Variants in FUT6 observed in about 807,000 individuals in gnomAD.
The protein encoded by FUT6 is fucosyltransferase 6.
For synonymous variants in FUT6, 187 were observed against 209.9 expected (o/e 0.89, Z 0.94); for missense variants, 454 against 494.6 (o/e 0.92, Z 0.78).
chr19:5,839,591 C>T lies in FUT6; in HGVS notation c.-1055G>A, dbSNP rs1039942179. The T allele has an allele frequency of 3.9e-5, 6 of 152,276 alleles. No homozygotes were observed. The highest frequency in any genetic ancestry group is 9.7e-5 in the African/African-American group (4 of 41,434). 9.4% of individuals were successfully genotyped at this position (152,276 alleles called of 1,614,324 possible). ...CCATATTGGTGGCAGAAGCTTCCTCCGGTGGCCTCAACAAGCCCCTCTGTG... is the reference window on the plus strand; with the variant it reads ...CCATATTGGTGGCAGAAGCTTCCTCTGGTGGCCTCAACAAGCCCCTCTGTG... On this transcript the variant is annotated 5_prime_UTR_variant, in exon 1 of 3. Coordinates refer to ENST00000318336, the MANE Select transcript of FUT6 (RefSeq NM_000150.4).
rs776637082 is a variant in FUT6, at chr19:5,832,012, A to C, written c.556T>G (p.Ser186Ala). The change falls in exon 3 of 3, where the codon TCG (serine) becomes GCG (alanine). Residue 186 changes from serine (S) to alanine (A), a missense_variant. Physicochemically the swap from Ser to Ala is moderately conservative, Grantham distance 99. Coordinates refer to ENST00000318336, the MANE Select transcript of FUT6 (RefSeq NM_000150.4). This position sits in a 1 kb window ranked among gnomAD's most constrained non-coding sequence, Gnocchi z 4.3. Reference protein sequence around the residue: ...GQPAHPPLNLSAKTELVAWAV... With the variant: ...GQPAHPPLNLAAKTELVAWAV... ...CAGGCCACCAGCTCGGTCTTGGCCG[A>C]GAGGTTGAGCGGTGGGTGGGCAGGC... 1.5e-5 allele frequency: 24 copies of C among 1,613,656 alleles called. No homozygotes were observed. In the African/African-American group the frequency reaches 3.1e-4, roughly 21 times the overall value.
In FUT6 at chr19:5,831,108, C is replaced by G. The variant is rs2144781015; in HGVS notation, c.*380G>C. The G allele has an allele frequency of 1.7e-6, 1 of 589,808 alleles. No individual in the cohort carries two copies. Among genetic ancestry groups the G allele is most frequent in the East Asian group, 2.9e-5 (1 of 34,868 alleles). The allele number at this position is 589,808 out of a possible 1,614,324, so 36.5% of individuals were successfully genotyped here. A position where few individuals can be genotyped will look rare whatever the true frequency, so the allele number is the denominator to read the frequency against. On this transcript the variant is annotated 3_prime_UTR_variant, in exon 3 of 3. Coordinates refer to ENST00000318336, the MANE Select transcript of FUT6 (RefSeq NM_000150.4). The surrounding 1 kb of genome is among the most constrained non-coding windows in gnomAD (Gnocchi z 7.0). Reference sequence around the variant, plus strand: ...GGTGAGGCTCCTAGCAGGTGAGATTCAGTGTGGAAGGTCTCTGGGAGCAGG... The same window carrying G: ...GGTGAGGCTCCTAGCAGGTGAGATTGAGTGTGGAAGGTCTCTGGGAGCAGG...
rs755828821 is a variant in FUT6 at position 5,832,428 on chromosome 19, C to T, written c.140G>A (p.Gly47Glu). 1.2e-6 allele frequency: 2 copies of T among 1,613,840 alleles called. No homozygotes were observed. The highest frequency in any genetic ancestry group is 2.2e-5 in the East Asian group (1 of 44,840). Residue 47 changes from glycine to glutamate, a missense_variant, in exon 3 of 3, where the codon GGG (glycine) becomes GAG (glutamate). Physicochemically the swap from Gly to Glu is moderately conservative, Grantham distance 98. Coordinates refer to ENST00000318336, the MANE Select transcript of FUT6 (RefSeq NM_000150.4). This position sits in a 1 kb window ranked among gnomAD's most constrained non-coding sequence, Gnocchi z 4.3. Reference sequence around the variant, plus strand: ...CCCTGTGCTGTCTGGGAAGCGGGACCCATTAGGGTACACAGTGGGATCGTC... The same window carrying T: ...CCCTGTGCTGTCTGGGAAGCGGGACTCATTAGGGTACACAGTGGGATCGTC... ...SQDDPTVYPN[G>E]SRFPDSTGTP... is the part of the protein sequence containing the mutation.
Position 5,832,763 on chromosome 19 carries a change from A to T in FUT6, c.-12-184T>A. 1 of 612,120 alleles carries T rather than the reference A, an allele frequency of 1.6e-6. No individual in the cohort carries two copies. The highest frequency in any genetic ancestry group is 2.8e-5 in the East Asian group (1 of 36,244). 37.9% of individuals were successfully genotyped at this position (612,120 alleles called of 1,614,324 possible). A position where few individuals can be genotyped will look rare whatever the true frequency, so the allele number is the denominator to read the frequency against. Reference sequence around the variant, plus strand: ...TTTGAACAAAGGGAGCTTGGCCCAGAGTCCACTTCCTCCCACCCATTAGAC... The same window carrying T: ...TTTGAACAAAGGGAGCTTGGCCCAGTGTCCACTTCCTCCCACCCATTAGAC... On this transcript the variant is annotated intron_variant, in intron 2 of 2. Transcript: ENST00000318336. The surrounding 1 kb of genome is among the most constrained non-coding windows in gnomAD (Gnocchi z 4.3).
In FUT6 at chr19:5,832,971, G is replaced by A. The variant is rs181895181; in HGVS notation, c.-12-392C>T. On this transcript the variant is annotated intron_variant, in intron 2 of 2. Transcript: ENST00000318336. The surrounding 1 kb of genome is among the most constrained non-coding windows in gnomAD (Gnocchi z 4.3). ...CCCCTGAGTCGAGGCTTGAACCCAT[G>A]ACTCTGCTGGGGAAGGGCACAATGG... 41 of 241,718 alleles carry A rather than the reference G, an allele frequency of 1.7e-4. No individual in the cohort carries two copies. The East Asian group carries it at 2.8e-3, about 16-fold the overall frequency. The allele number at this position is 241,718 out of a possible 1,614,324, so 15.0% of individuals were successfully genotyped here.
intron 1 of FUT6, among the ~76,000 whole-genome samples, chr19:5,836,161 T>G (rs1168872136): frequency 6.6e-6 from 1 of 151,924 alleles, no homozygotes; most frequent in Non-Finnish European, 1.5e-5. Context: ...CCCAAAGTGC[T>G]GAGATTACAT....
At position 5,832,344 on chromosome 19, in the gene FUT6, A is replaced by G. The variant is rs1386477101; in HGVS notation, c.224T>C (p.Ile75Thr). The G allele has an allele frequency of 1.9e-6, 3 of 1,613,914 alleles. No individual in the cohort carries two copies. Among genetic ancestry groups the G allele is most frequent in the East Asian group, 4.5e-5 (2 of 44,848 alleles). ...CATCTCTGAGCAGCGGGGCAGAGCT[A>G]TGGGTTTGTTAAAAGGCCACGTCCA... is the stretch of plus-strand genomic sequence containing the variant. ...LLWTWPFNKP[I>T]ALPRCSEMVP... is the part of the protein sequence containing the mutation. The change falls in exon 3 of 3, where the codon ATA (isoleucine) becomes ACA (threonine). Residue 75 changes from isoleucine (I) to threonine (T), a missense_variant. Transcript: ENST00000318336. The surrounding 1 kb of genome is among the most constrained non-coding windows in gnomAD (Gnocchi z 4.3).
rs755906683 is a variant in FUT6 at position 5,831,840 on chromosome 19, T to C, written c.728A>G (p.Tyr243Cys). The C allele has an allele frequency of 4.2e-5, 67 of 1,613,810 alleles. No homozygotes were observed. Among genetic ancestry groups the C allele is most frequent in the Non-Finnish European group, 5.4e-5 (64 of 1,179,846 alleles). ...GTGCAAGGAGTTCTCGAAGGCCAGA[T>C]AGAACTTGTACCGGGACAGCGTCTC... The part of the protein sequence containing the change: ...MMETLSRYKF[Y>C]LAFENSLHPD... Residue 243 changes from tyrosine (Y) to cysteine (C), a missense_variant, in exon 3 of 3, where the codon TAT (tyrosine) becomes TGT (cysteine). Physicochemically the swap from Tyr to Cys is radical, Grantham distance 194. Coordinates refer to ENST00000318336, the MANE Select transcript of FUT6 (RefSeq NM_000150.4). This position sits in a 1 kb window ranked among gnomAD's most constrained non-coding sequence, Gnocchi z 7.0.
At position 5,831,032 on chromosome 19, in the gene FUT6, AT is replaced by A. The variant is rs1394047472; in HGVS notation, c.*455del. ...AACCATCACTCATGGGTGGGGCCCC[AT>A]GGGTGCCAGTTCCCAGGGCCCAGTG... On this transcript the variant is annotated 3_prime_UTR_variant, in exon 3 of 3. Transcript: ENST00000318336. This position sits in a 1 kb window ranked among gnomAD's most constrained non-coding sequence, Gnocchi z 7.0. 4.0e-5 allele frequency: 20 copies of A among 506,126 alleles called. No individual in the cohort carries two copies. The Admixed American group carries it at 6.5e-4, about 16-fold the overall frequency. 31.4% of individuals were successfully genotyped at this position (506,126 alleles called of 1,614,324 possible). A position where few individuals can be genotyped will look rare whatever the true frequency, so the allele number is the denominator to read the frequency against.
At chr19:5,837,330 G>A (rs1054521825) in intron 1 of FUT6, among the ~76,000 whole-genome samples, 25 of 151,256 alleles carry the variant, frequency 1.7e-4, no homozygotes, top group African/African-American at 1.2e-4. Context: ...GAGTCACCAC[G>A]CCCAGCCTCA....
chr19:5,831,566 G>C lies in FUT6; in HGVS notation c.1002C>G (p.Leu334=), dbSNP rs61740561. 68,722 of 1,613,732 alleles carry C rather than the reference G, an allele frequency of 0.043. 2,126 individuals carry two copies. Among genetic ancestry groups the C allele is most frequent in the African/African-American group, 0.16 (12,075 of 74,786 alleles). Residue 334 remains leucine, a synonymous_variant, in exon 3 of 3, where the codon CTC becomes CTG. Transcript: ENST00000318336. The surrounding 1 kb of genome is among the most constrained non-coding windows in gnomAD (Gnocchi z 7.0). ...GTTTCCAGCAGGCCTTGCAGAAAGC[G>C]AGTGCCCAGCTGAAGGAGCGAGGCC... is the stretch of plus-strand genomic sequence containing the variant. ...TLRPRSFSWA[L]AFCKACWKLQ...
In FUT6 at chr19:5,831,028, C is replaced by G; in HGVS notation, c.*460G>C. On this transcript the variant is annotated 3_prime_UTR_variant, in exon 3 of 3. Transcript: ENST00000318336. This position sits in a 1 kb window ranked among gnomAD's most constrained non-coding sequence, Gnocchi z 7.0. Reference sequence around the variant, plus strand: ...CCAGAACCATCACTCATGGGTGGGGCCCCATGGGTGCCAGTTCCCAGGGCC... The same window carrying G: ...CCAGAACCATCACTCATGGGTGGGGGCCCATGGGTGCCAGTTCCCAGGGCC... 1 of 502,104 alleles carries G rather than the reference C, an allele frequency of 2.0e-6. No individual in the cohort carries two copies. Among genetic ancestry groups the G allele is most frequent in the Admixed American group, 3.3e-5 (1 of 30,756 alleles). 31.1% of individuals were successfully genotyped at this position (502,104 alleles called of 1,614,324 possible). A position where few individuals can be genotyped will look rare whatever the true frequency, so the allele number is the denominator to read the frequency against.
Position 5,831,266 on chromosome 19 carries a change from C to T in FUT6, c.*222G>A. 2 of 1,005,902 alleles carry T rather than the reference C, an allele frequency of 2.0e-6. No individual in the cohort carries two copies. Among genetic ancestry groups the T allele is most frequent in the African/African-American group, 1.6e-5 (1 of 63,588 alleles). The allele number at this position is 1,005,902 out of a possible 1,614,324, so 62.3% of individuals were successfully genotyped here. A position where few individuals can be genotyped will look rare whatever the true frequency, so the allele number is the denominator to read the frequency against. ...TGTGAAATCCCAGGTAAGGGACATACCTGGCCACCGAAGACTCCAGCAGGT... is the reference window on the plus strand; with the variant it reads ...TGTGAAATCCCAGGTAAGGGACATATCTGGCCACCGAAGACTCCAGCAGGT... On this transcript the variant is annotated 3_prime_UTR_variant, in exon 3 of 3. Coordinates refer to ENST00000318336, the MANE Select transcript of FUT6 (RefSeq NM_000150.4). This position sits in a 1 kb window ranked among gnomAD's most constrained non-coding sequence, Gnocchi z 7.0.
At position 5,832,473 on chromosome 19, in the gene FUT6, G is replaced by A. The variant is rs776563221; in HGVS notation, c.95C>T (p.Ser32Phe). Residue 32 changes from serine to phenylalanine, a missense_variant, in exon 3 of 3, where the codon TCC becomes TTC. Coordinates refer to ENST00000318336, the MANE Select transcript of FUT6 (RefSeq NM_000150.4). The surrounding 1 kb of genome is among the most constrained non-coding windows in gnomAD (Gnocchi z 4.3). ...FQLLMAVCFF[S>F]YLRVSQDDPT... ...ATCGTCTTGAGACACACGCAGATAG[G>A]AGAAGAAACACACAGCCATCAGCAG... 1 of 1,613,862 alleles carries A rather than the reference G, an allele frequency of 6.2e-7. No individual in the cohort carries two copies. The highest frequency in any genetic ancestry group is 8.5e-7 in the Non-Finnish European group (1 of 1,179,988).
chr19:5,833,179 A>G (rs1241579527), intron 2 of FUT6, among the ~76,000 whole-genome samples: 2 of 152,182 alleles, frequency 1.3e-5, no homozygotes, highest in Non-Finnish European at 2.9e-5. Flanking sequence ...GATTGGTGCA[A>G]AAGTAATTGC....
Position 5,831,071 on chromosome 19 carries a change from A to G in FUT6, c.*417T>C. On this transcript the variant is annotated 3_prime_UTR_variant, in exon 3 of 3. Transcript: ENST00000318336. This position sits in a 1 kb window ranked among gnomAD's most constrained non-coding sequence, Gnocchi z 7.0. ...CCAGGGCCCAGTGCCCTCCAGGGTG[A>G]GGTCCCCAGCAGGTGAGGCTCCTAG... The G allele has an allele frequency of 1.8e-6, 1 of 548,874 alleles. No individual in the cohort carries two copies. The highest frequency in any genetic ancestry group is 3.3e-6 in the Non-Finnish European group (1 of 305,548). 34.0% of individuals were successfully genotyped at this position (548,874 alleles called of 1,614,324 possible).
At position 5,832,797 on chromosome 19, in the gene FUT6, CTTTCTACA is replaced by C; in HGVS notation, c.-12-226_-12-219del. The C allele has an allele frequency of 1.7e-6, 1 of 579,226 alleles. No individual in the cohort carries two copies. The highest frequency in any genetic ancestry group is 3.1e-6 in the Non-Finnish European group (1 of 325,706). The allele number at this position is 579,226 out of a possible 1,614,324, so 35.9% of individuals were successfully genotyped here. A position where few individuals can be genotyped will look rare whatever the true frequency, so the allele number is the denominator to read the frequency against. ...CCTCCCACCCATTAGACAACAGGCC[CTTTCTACA>C]TGGGCAAGGGTCCCTGGGGAAGTTG... On this transcript the variant is annotated intron_variant, in intron 2 of 2. Transcript: ENST00000318336. The surrounding 1 kb of genome is among the most constrained non-coding windows in gnomAD (Gnocchi z 4.3).
In FUT6 at chr19:5,835,712, G is replaced by T. The variant is rs141399491; in HGVS notation, c.-140-635C>A. On this transcript the variant is annotated intron_variant, in intron 1 of 2. Coordinates refer to ENST00000318336, the MANE Select transcript of FUT6 (RefSeq NM_000150.4). ...TGCTTGAACCTGGGAGACAGAGGTT[G>T]CAGTGAGCCGAGATTGCACCATTGC... 4.1e-3 allele frequency among the ~76,000 whole-genome samples: 618 copies of T among 152,280 alleles called. 7 individuals are homozygous for T. Among genetic ancestry groups the T allele is most frequent in the African/African-American group, 0.014 (586 of 41,556 alleles).
In FUT6 at chr19:5,831,832, A is replaced by G. The variant is rs2144786246; in HGVS notation, c.736T>C (p.Phe246Leu). Residue 246 changes from phenylalanine to leucine, a missense_variant, in exon 3 of 3, where the codon TTC (phenylalanine) becomes CTC (leucine). Phe to Leu is a conservative substitution (Grantham distance 22). Transcript: ENST00000318336. This position sits in a 1 kb window ranked among gnomAD's most constrained non-coding sequence, Gnocchi z 7.0. ...TAGTCGGGGTGCAAGGAGTTCTCGA[A>G]GGCCAGATAGAACTTGTACCGGGAC... ...TLSRYKFYLA[F>L]ENSLHPDYIT... The G allele has an allele frequency of 6.2e-7, 1 of 1,613,780 alleles. No homozygotes were observed.
Sources: gnomAD v4.1 joint callset for allele counts (sites outside exome capture counted in the v4.1 genomes callset) on GRCh38, gnomAD v4.1.1 for gene constraint, Gnocchi (gnomAD v3.1) non-coding constraint, MANE v1.5 for transcripts, NCBI Gene and HGNC (gene_info 2026-07-23, HGNC 2026-07-21) for gene names.